ACSF2: variants seen among roughly 807,000 people sequenced by gnomAD.
The protein encoded by ACSF2 is acyl-CoA synthetase family member 2, also known as medium-chain acyl-CoA ligase ACSF2, mitochondrial.
In ACSF2, 52 loss-of-function variants were observed where a neutral mutation model predicts 79.3. The observed-to-expected ratio is 0.66, with a 90% CI of 0.53 to 0.83. The LOEUF (loss-of-function observed/expected upper bound fraction) is 0.83. ACSF2 is among the 40% of genes least tolerant of loss of function. ACSF2 has a pLI of 0.00. For missense variants in ACSF2, 661 were observed against 803.3 expected (o/e 0.82, Z 2.14); for synonymous variants, 283 against 312.6 (o/e 0.91, Z 1.00).
At chr17:50,459,350 C>A (rs970581957) in intron 1 of ACSF2, among the ~76,000 whole-genome samples, 9 of 152,224 alleles carry the variant, frequency 5.9e-5, no homozygotes, top group Non-Finnish European at 1.3e-4. Context: ...GAGTGATCCT[C>A]CCCCTTCAAC....
At chr17:50,448,756 C>T (rs1258587054) in intron 1 of ACSF2, among the ~76,000 whole-genome samples, 1 of 152,146 alleles carries the variant, frequency 6.6e-6, no homozygotes, top group Non-Finnish European at 1.5e-5. Context: ...GGCAAATGTC[C>T]TCACAGAAGC....
At chr17:50,468,909 A>G in intron 10 of ACSF2, 2 of 1,416,104 alleles carry the variant, frequency 1.4e-6, no homozygotes, top group African/African-American at 1.5e-5. Flanking sequence ...CCCTCTTTAT[A>G]CGGTGGCCCT....
At chr17:50,462,625 C>T (rs771213249) in intron 6 of ACSF2, 40 bp downstream of exon 6, 3 of 1,598,264 alleles carry the variant, frequency 1.9e-6, no homozygotes, top group Middle Eastern at 1.7e-4. Context: ...CAGATGGACA[C>T]ATGCCCCCTG....
At chr17:50,465,829 G>A (rs771939138) in intron 10 of ACSF2, 9 of 1,613,766 alleles carry the variant, frequency 5.6e-6, no homozygotes, top group Middle Eastern at 1.6e-4. Flanking sequence ...CCAAATGGAC[G>A]TGTTTCAGCG....
At chr17:50,465,847 A>T in intron 10 of ACSF2, 1 of 1,613,774 alleles carries the variant, frequency 6.2e-7, no homozygotes, top group Non-Finnish European at 8.5e-7. Context: ...GCGTGGTTAC[A>T]CCCAGGAAGG....
chr17:50,442,916 T>TC (rs1038479258), intron 1 of ACSF2, among the ~76,000 whole-genome samples: 17 of 149,914 alleles, frequency 1.1e-4, no homozygotes, highest in African/African-American at 3.9e-4. Flanking sequence ...TTTTATTTCT[T>TC]TTTTTTTTTT....
In ACSF2 at chr17:50,426,861, A is replaced by G. The variant is rs781588956; in HGVS notation, c.128+472A>G. ...TCAGCTGCTCACTAACATGGCTTTA[A>G]TTCTTTGCTGCCTACTCCTGGGCCT... is the stretch of plus-strand genomic sequence containing the variant. On this transcript the variant is annotated intron_variant, in intron 1 of 15. Coordinates refer to ENST00000300441, the MANE Select transcript of ACSF2 (RefSeq NM_025149.6). 13 of 1,529,764 alleles carry G rather than the reference A, an allele frequency of 8.5e-6. No individual in the cohort carries two copies. The East Asian group carries it at 2.7e-4, about 32-fold the overall frequency. 94.8% of individuals were successfully genotyped at this position (1,529,764 alleles called of 1,614,324 possible). A position where few individuals can be genotyped will look rare whatever the true frequency, so the allele number is the denominator to read the frequency against.
intron 1 of ACSF2, among the ~76,000 whole-genome samples, chr17:50,459,227 A>G (rs546480329): frequency 7.9e-5 from 12 of 152,240 alleles, no homozygotes; most frequent in African/African-American, 2.6e-4. Flanking sequence ...ATAACTTGCC[A>G]GGTCCCACTG....
At chr17:50,441,090 T>C (rs911232270) in intron 1 of ACSF2, among the ~76,000 whole-genome samples, 2 of 152,240 alleles carry the variant, frequency 1.3e-5, no homozygotes, top group African/African-American at 4.8e-5. Flanking sequence ...TAAAGAGTAG[T>C]ACTCTTGGAA....
chr17:50,473,737 T>C lies in ACSF2; in HGVS notation c.1548T>C (p.Gly516=). 1 of 1,614,036 alleles carries C rather than the reference T, an allele frequency of 6.2e-7. No homozygotes were observed. The highest frequency in any genetic ancestry group is 8.5e-7 in the Non-Finnish European group (1 of 1,180,026). ...VGRSKDMIIR[G]GENIYPAELE... ...GCTCTAAGGATATGATCATCCGGGG[T>C]GGTGAGAACATCTACCCCGCAGAGC... Residue 516 remains glycine, a synonymous_variant, in exon 13 of 16, where the codon GGT becomes GGC. Transcript: ENST00000300441.
In ACSF2 at chr17:50,471,181, G is replaced by A. The variant is rs1482384125; in HGVS notation, c.1323+46G>A. 9 of 1,537,860 alleles carry A rather than the reference G, an allele frequency of 5.9e-6. No homozygotes were observed. In the East Asian group the frequency reaches 1.6e-4, roughly 27 times the overall value. On this transcript the variant is annotated intron_variant, in intron 11 of 15. Transcript: ENST00000300441. This position sits in a 1 kb window ranked among gnomAD's most constrained non-coding sequence, Gnocchi z 4.1. ...CCAAAGTCCCACCTCCCGTCACCCA[G>A]CTGGGGTGCACCCAGCTGGGACATC...
chr17:50,460,118 T>C, intron 1 of ACSF2: 1 of 452,618 alleles, frequency 2.2e-6, no homozygotes, highest in Non-Finnish European at 4.4e-6. Flanking sequence ...GCCTGTGGAA[T>C]AACAGGGGCC....
chr17:50,462,258 T>C lies in ACSF2; in HGVS notation c.582T>C (p.Cys194=). Residue 194 remains cysteine (C), a synonymous_variant, in exon 5 of 16, where the codon TGT becomes TGC. Transcript: ENST00000300441. ...QQYYNVLKQI[C]PEVENAQPGA... ...ACTACAACGTCCTGAAGCAGATCTG[T>C]CCAGAAGTGGAGAATGCCCAGCCAG... 1 of 1,614,010 alleles carries C rather than the reference T, an allele frequency of 6.2e-7. No homozygotes were observed. Among genetic ancestry groups the C allele is most frequent in the Non-Finnish European group, 8.5e-7 (1 of 1,179,984 alleles).
At chr17:50,455,689 C>A (rs1308930134) in intron 1 of ACSF2, among the ~76,000 whole-genome samples, 1 of 152,176 alleles carries the variant, frequency 6.6e-6, no homozygotes, top group Non-Finnish European at 1.5e-5. Flanking sequence ...AGGAGCCACC[C>A]CAGCAGCTGT....
At chr17:50,437,604 C>T (rs114537058) in intron 1 of ACSF2, among the ~76,000 whole-genome samples, 1,554 of 151,754 alleles carry the variant, frequency 0.01, 19 homozygotes, top group African/African-American at 0.036. Flanking sequence ...TGCAGTGGGC[C>T]GTGATCACGC....
Position 50,466,566 on chromosome 17 carries a change from T to C in ACSF2, c.1215+2272T>C, listed in dbSNP as rs186102182. On this transcript the variant is annotated intron_variant, in intron 10 of 15. Transcript: ENST00000300441. Reference sequence around the variant, plus strand: ...GGCTGCCAGAGTTTGGCCCCAGCAATCCAAACTGGTACACGGTGAACTTGG... The same window carrying C: ...GGCTGCCAGAGTTTGGCCCCAGCAACCCAAACTGGTACACGGTGAACTTGG... Among the ~76,000 whole-genome samples, 712 of 152,276 alleles carry C rather than the reference T, an allele frequency of 4.7e-3. 4 individuals are homozygous for C. Among genetic ancestry groups the C allele is most frequent in the African/African-American group, 0.017 (697 of 41,562 alleles).
intron 4 of ACSF2, 49 bp downstream of exon 4, chr17:50,461,735 G>T: frequency 6.2e-7 from 1 of 1,607,104 alleles, no homozygotes; most frequent in Non-Finnish European, 8.5e-7. Flanking sequence ...TGGCACAGGG[G>T]GCTGCACAGA....
At chr17:50,455,304 G>A (rs1567850566) in intron 1 of ACSF2, among the ~76,000 whole-genome samples, 1 of 152,168 alleles carries the variant, frequency 6.6e-6, no homozygotes, top group African/African-American at 2.4e-5. Flanking sequence ...TTTATAGGTG[G>A]GGAAGGTGAG....
At chr17:50,461,177 G>T in intron 2 of ACSF2, 65 bp from the exon 3 acceptor site, 1 of 1,608,592 alleles carries the variant, frequency 6.2e-7, no homozygotes, top group Non-Finnish European at 8.5e-7. Context: ...AGGGCTGAGG[G>T]TGGGAGTCTT....
Sources: allele counts gnomAD v4.1 joint callset (sites outside exome capture counted in the v4.1 genomes callset), GRCh38; gene constraint gnomAD v4.1.1; non-coding constraint Gnocchi (gnomAD v3.1); transcripts MANE v1.5; gene names NCBI Gene and HGNC (gene_info 2026-07-23, HGNC 2026-07-21).